Variants in LRRTM4 observed in about 807,000 individuals in gnomAD.
The protein encoded by LRRTM4 is leucine rich repeat transmembrane neuronal 4.
LRRTM4 carries 25 observed loss-of-function variants against 47.6 expected under a neutral mutation model. The ratio of observed to expected loss-of-function variants is 0.53; its 90% CI spans 0.38 to 0.73. LRRTM4 has a LOEUF of 0.73. Ranked by LOEUF, LRRTM4 falls within the 30% of genes least tolerant of loss-of-function variation. LRRTM4 has a pLI of 0.00. For missense variants in LRRTM4, 638 were observed against 713.4 expected, an observed-to-expected ratio of 0.89 and a Z score of 1.20; for synonymous variants, 311 against 269.5, an observed-to-expected ratio of 1.15 and a Z score of -1.51.
At chr2:77,401,987 A>C (rs992333454) in intron 3 of LRRTM4, among the ~76,000 whole-genome samples, 1 of 152,032 alleles carries the variant, frequency 6.6e-6, no homozygotes, top group African/African-American at 2.4e-5. Context: ...ATTGCTTATA[A>C]AGAGATTACT....
chr2:77,210,947 C>T (rs1052936753), intron 3 of LRRTM4, among the ~76,000 whole-genome samples: 4 of 152,026 alleles, frequency 2.6e-5, no homozygotes, highest in African/African-American at 9.7e-5. Context: ...TGTGGTAGCC[C>T]GCCCATTACC....
At chr2:77,227,121 A>G (rs1177289951) in intron 3 of LRRTM4, among the ~76,000 whole-genome samples, 2 of 152,012 alleles carry the variant, frequency 1.3e-5, no homozygotes, top group African/African-American at 4.8e-5. Flanking sequence ...CTCCATGACT[A>G]TGGAGCAATA....
intron 3 of LRRTM4, among the ~76,000 whole-genome samples, chr2:77,459,656 C>G (rs1026125920): frequency 4.0e-5 from 6 of 151,556 alleles, no homozygotes; most frequent in African/African-American, 1.5e-4. Flanking sequence ...CCAGGTGAAG[C>G]CCCTGTGAAA....
At chr2:77,092,698 G>C (rs1403741725) in intron 3 of LRRTM4, among the ~76,000 whole-genome samples, 2 of 143,762 alleles carry the variant, frequency 1.4e-5, no homozygotes, top group African/African-American at 5.7e-5. Context: ...TACAGGGTCT[G>C]AGAAGGCCAC....
intron 3 of LRRTM4, among the ~76,000 whole-genome samples, chr2:76,982,994 GATTA>G (rs1248736867): frequency 6.6e-6 from 1 of 152,062 alleles, no homozygotes; most frequent in East Asian, 2.0e-4. Context: ...ATAGTTATAT[GATTA>G]ATTCAAGCTC....
At chr2:76,791,951 A>G (rs921198072) in intron 3 of LRRTM4, among the ~76,000 whole-genome samples, 16 of 152,040 alleles carry the variant, frequency 1.1e-4, no homozygotes, top group Non-Finnish European at 1.9e-4. Context: ...CCTATCACCC[A>G]CTCATGTTTT....
intron 3 of LRRTM4, among the ~76,000 whole-genome samples, chr2:77,065,890 T>C (rs935676435): frequency 6.6e-6 from 1 of 152,150 alleles, no homozygotes; most frequent in Non-Finnish European, 1.5e-5. Flanking sequence ...GTATCTCACA[T>C]GAAATGAGAT....
At chr2:77,172,073 A>G (rs1464576662) in intron 3 of LRRTM4, among the ~76,000 whole-genome samples, 1 of 152,242 alleles carries the variant, frequency 6.6e-6, no homozygotes, top group Non-Finnish European at 1.5e-5. Context: ...ATCTGCCTGC[A>G]ACTTCCTTAC....
rs532577380 is a variant in LRRTM4 at position 76,911,448 on chromosome 2, C to CT, written c.1552-162533dup. 8.5e-5 allele frequency among the ~76,000 whole-genome samples: 13 copies of CT among 152,298 alleles called. 2 individuals are homozygous for CT. In the South Asian group the frequency reaches 2.7e-3, roughly 32 times the overall value. ...AATTACATCAATCTGATATAAATCT[C>CT]TTTGTTTTTGTATTCCCATCAAGAA... On this transcript the variant is annotated intron_variant, in intron 3 of 3. Transcript: ENST00000409884.
chr2:77,343,133 T>G (rs963810170), intron 3 of LRRTM4, among the ~76,000 whole-genome samples: 2 of 151,940 alleles, frequency 1.3e-5, no homozygotes, highest in Non-Finnish European at 2.9e-5. Context: ...TAGAAACATT[T>G]CAACCTCTAT....
At position 77,518,613 on chromosome 2, in the gene LRRTM4, T is replaced by C. The variant is rs549481910; in HGVS notation, c.1256A>G (p.His419Arg). 9 of 1,613,410 alleles carry C rather than the reference T, an allele frequency of 5.6e-6. No individual in the cohort carries two copies. Among genetic ancestry groups the C allele is most frequent in the Middle Eastern group, 3.3e-4 (2 of 6,060 alleles). The part of the protein sequence containing the change: ...QIPGAEQEYE[H>R]VSFHKIIAGS... ...GGCAATAATTTTGTGAAATGAAACA[T>C]GCTCATACTCTTGCTCTGCGCCAGG... The change falls in exon 3 of 4, where the codon CAT becomes CGT. Residue 419 changes from histidine (H) to arginine (R), a missense_variant. Physicochemically the swap from His to Arg is conservative, Grantham distance 29. Transcript: ENST00000409884.
At chr2:76,768,282 C>T (rs1673534992) in intron 3 of LRRTM4, among the ~76,000 whole-genome samples, 1 of 152,058 alleles carries the variant, frequency 6.6e-6, no homozygotes, top group African/African-American at 2.4e-5. Flanking sequence ...AGAATGGTAA[C>T]TTCTTCTATC....
intron 3 of LRRTM4, among the ~76,000 whole-genome samples, chr2:77,209,436 A>G (rs967441367): frequency 6.6e-6 from 1 of 152,060 alleles, no homozygotes; most frequent in African/African-American, 2.4e-5. Context: ...GAAAAAAAAA[A>G]AAACAAAAAA....
At chr2:77,241,082 A>T (rs559193206) in intron 3 of LRRTM4, among the ~76,000 whole-genome samples, 45 of 152,126 alleles carry the variant, frequency 3.0e-4, no homozygotes, top group African/African-American at 1.1e-3. Context: ...AAAAAGAAGG[A>T]ACTAGAAAAG....
chr2:76,901,568 T>G lies in LRRTM4; in HGVS notation c.1552-152652A>C, dbSNP rs541809280. 7.2e-5 allele frequency among the ~76,000 whole-genome samples: 11 copies of G among 152,128 alleles called. No individual in the cohort carries two copies. In the South Asian group the frequency reaches 2.3e-3, roughly 32 times the overall value. ...AGGCTCAGAGAAAACCTCTTAGTAC[T>G]TTTAAGGTATCTCTAAGCACTGTAA... On this transcript the variant is annotated intron_variant, in intron 3 of 3. Transcript: ENST00000409884.
At chr2:76,935,611 C>G (rs1674919941) in intron 3 of LRRTM4, among the ~76,000 whole-genome samples, 1 of 152,106 alleles carries the variant, frequency 6.6e-6, no homozygotes, top group Non-Finnish European at 1.5e-5. Flanking sequence ...CTCTTAGTAG[C>G]AATTGTGAAT....
At chr2:76,765,909 G>C (rs1410932093) in intron 3 of LRRTM4, among the ~76,000 whole-genome samples, 1 of 152,198 alleles carries the variant, frequency 6.6e-6, no homozygotes, top group Non-Finnish European at 1.5e-5. Context: ...TTGTGAGAAA[G>C]TATTGTTAGT....
rs1163932015 is a variant in LRRTM4, at chr2:77,522,226, C to A, written c.-265G>T. The A allele has an allele frequency of 2.9e-6, 2 of 679,432 alleles. No individual in the cohort carries two copies. Among genetic ancestry groups the A allele is most frequent in the Admixed American group, 2.3e-5 (1 of 44,078 alleles). 42.1% of individuals were successfully genotyped at this position (679,432 alleles called of 1,614,324 possible). Reference sequence around the variant, plus strand: ...GCTGTATGAGACCCCAGTTTAAAAGCTATGCAGGCTAGGTTTATCCATTTA... The same window carrying A: ...GCTGTATGAGACCCCAGTTTAAAAGATATGCAGGCTAGGTTTATCCATTTA... On this transcript the variant is annotated 5_prime_UTR_variant, in exon 1 of 4. Transcript: ENST00000409884.
chr2:77,521,408 C>T (rs1318854514), intron 2 of LRRTM4, among the ~76,000 whole-genome samples: 1 of 151,794 alleles, frequency 6.6e-6, no homozygotes, highest in Non-Finnish European at 1.5e-5. Flanking sequence ...TGTGGATACG[C>T]AGACAGTAGA....
Sources: allele counts gnomAD v4.1 joint callset (sites outside exome capture counted in the v4.1 genomes callset), GRCh38; gene constraint gnomAD v4.1.1; transcripts MANE v1.5; gene names NCBI Gene and HGNC (gene_info 2026-07-23, HGNC 2026-07-21).